Variants in GPHN observed in about 807,000 individuals in gnomAD.
GPHN encodes the protein gephyrin.
GPHN carries 17 observed loss-of-function variants against 95.5 expected under a neutral mutation model. The ratio of observed to expected loss-of-function variants is 0.18; its 90% CI spans 0.12 to 0.27. The LOEUF is 0.27. Ranked by LOEUF, GPHN falls within the 10% of genes least tolerant of loss-of-function variation. GPHN has a pLI of 1.00. For synonymous variants in GPHN, 320 were observed against 322.5 expected, an observed-to-expected ratio of 0.99 and a Z score of 0.08; for missense variants, 660 against 978.1, an observed-to-expected ratio of 0.67 and a Z score of 4.34.
chr14:67,678,294 T>G, the GPHN span: 7 of 1,410,596 alleles, frequency 5.0e-6, no homozygotes, highest in Non-Finnish European at 7.0e-6. Context: ...GCTGCAGTCT[T>G]CTCTTGGGTC....
At chr14:67,003,840 A>T (rs797012728) in intron 9 of GPHN, among the ~76,000 whole-genome samples, 1 of 151,720 alleles carries the variant, frequency 6.6e-6, no homozygotes, top group Non-Finnish European at 1.5e-5. Context: ...GTTTCTTCAT[A>T]TCTTGTAAAC....
chr14:66,936,532 A>G (rs2067142935), intron 8 of GPHN, among the ~76,000 whole-genome samples: 1 of 152,258 alleles, frequency 6.6e-6, no homozygotes, highest in South Asian at 2.1e-4. Flanking sequence ...GCTTTAAGCT[A>G]TAAACATCTG....
At chr14:66,844,393 C>T (rs1253509433) in intron 4 of GPHN, among the ~76,000 whole-genome samples, 1 of 151,936 alleles carries the variant, frequency 6.6e-6, no homozygotes, top group Non-Finnish European at 1.5e-5. Flanking sequence ...ATACAAGAAC[C>T]AAAGAAGAAT....
chr14:67,377,015 T>C, the GPHN span, among the ~76,000 whole-genome samples: 1 of 152,220 alleles, frequency 6.6e-6, no homozygotes, highest in African/African-American at 2.4e-5. Context: ...ACACTTTCTG[T>C]TCTTTTGCCC....
intron 18 of GPHN, among the ~76,000 whole-genome samples, chr14:67,155,014 G>A (rs1299108448): frequency 6.6e-6 from 1 of 152,074 alleles, no homozygotes; most frequent in Non-Finnish European, 1.5e-5. Context: ...CAGGAGTGAG[G>A]TGGGGTGAGA....
chr14:67,559,736 G>A, the GPHN span: 6 of 1,335,368 alleles, frequency 4.5e-6, no homozygotes, highest in African/African-American at 5.8e-5. Context: ...GGCATGGCTG[G>A]GCCTGCCCTG....
In GPHN at chr14:67,106,188, A is replaced by T. The variant is rs537845959; in HGVS notation, c.1294-3952A>T. ...CTGCATATAGTATTCATAGTTAGAA[A>T]TTTTTTTATTTCAGCACTTTGAAGA... On this transcript the variant is annotated intron_variant, in intron 13 of 22. Coordinates refer to ENST00000478722, the MANE Select transcript of GPHN (RefSeq NM_020806.5). Among the ~76,000 whole-genome samples the T allele has an allele frequency of 6.0e-4, 91 of 152,146 alleles. 3 individuals are homozygous for T. Among genetic ancestry groups the T allele is most frequent in the African/African-American group, 2.1e-3 (87 of 41,544 alleles).
the GPHN span, among the ~76,000 whole-genome samples, chr14:67,256,666 G>C: frequency 6.6e-6 from 1 of 151,994 alleles, no homozygotes; most frequent in Non-Finnish European, 1.5e-5. Context: ...TCGTGCCTCA[G>C]CCTCCCAAGT....
At position 66,916,027 on chromosome 14, in the gene GPHN, A is replaced by G. The variant is rs928850984; in HGVS notation, c.414A>G (p.Lys138=). 2 of 1,603,766 alleles carry G rather than the reference A, an allele frequency of 1.2e-6. No homozygotes were observed. The highest frequency in any genetic ancestry group is 1.7e-5 in the Admixed American group (1 of 59,960). The stretch of plus-strand genomic sequence containing the variant: ...GGCCTGTATGTGGAATCAGAGGGAA[A>G]ACGCTCATAATTAACCTGCCAGGTA... ...LSRPVCGIRG[K]TLIINLPGSK... The change falls in exon 6 of 23, where the codon AAA becomes AAG. Residue 138 remains lysine, a synonymous_variant. Coordinates refer to ENST00000478722, the MANE Select transcript of GPHN (RefSeq NM_020806.5).
At chr14:67,516,522 C>A in the GPHN span, among the ~76,000 whole-genome samples, 1 of 152,184 alleles carries the variant, frequency 6.6e-6, no homozygotes, top group Non-Finnish European at 1.5e-5. Flanking sequence ...AGAAAAGGAA[C>A]CTATGGTTCA....
chr14:66,607,149 G>A (rs915448801), intron 1 of GPHN, among the ~76,000 whole-genome samples: 6 of 151,830 alleles, frequency 4.0e-5, no homozygotes, highest in Admixed American at 6.6e-5. Context: ...ATGTTCCTTC[G>A]AAGCCTTGTT....
chr14:67,101,830 A>G (rs1016427087), intron 13 of GPHN, among the ~76,000 whole-genome samples: 2 of 150,266 alleles, frequency 1.3e-5, no homozygotes, highest in African/African-American at 4.9e-5. Flanking sequence ...AAAAAATAAC[A>G]TATATCATTG....
intron 2 of GPHN, among the ~76,000 whole-genome samples, chr14:66,735,923 T>C (rs1436447202): frequency 2.0e-5 from 3 of 152,192 alleles, no homozygotes; most frequent in African/African-American, 7.2e-5. Context: ...TCTTAAGATA[T>C]ATAATGATGA....
chr14:67,406,791 A>G, the GPHN span, among the ~76,000 whole-genome samples: 2 of 152,194 alleles, frequency 1.3e-5, no homozygotes, highest in Admixed American at 1.3e-4. Flanking sequence ...CACACCATGC[A>G]CAGAGGGCAT....
Position 66,623,337 on chromosome 14 carries a change from A to G in GPHN, c.65-57770A>G, listed in dbSNP as rs118019236. ...ACATGTGGGAATTGTAGGAGTTACA[A>G]TTGAGGATGAGATTTGGGTGGGGAC... On this transcript the variant is annotated intron_variant, in intron 1 of 22. Coordinates refer to ENST00000478722, the MANE Select transcript of GPHN (RefSeq NM_020806.5). Among the ~76,000 whole-genome samples the G allele has an allele frequency of 7.2e-5, 11 of 152,220 alleles. No homozygotes were observed. The East Asian group carries it at 9.7e-4, about 13-fold the overall frequency.
At chr14:67,547,707 G>A in the GPHN span, among the ~76,000 whole-genome samples, 2 of 152,174 alleles carry the variant, frequency 1.3e-5, no homozygotes, top group African/African-American at 4.8e-5. Flanking sequence ...ACCTGCCTGT[G>A]GGCTGCGGAG....
chr14:67,334,199 T>C, the GPHN span: 1 of 152,664 alleles, frequency 6.6e-6, no homozygotes, highest in Admixed American at 6.5e-5. Context: ...AAGGTCTGCC[T>C]CTTATGACGA....
intron 1 of GPHN, among the ~76,000 whole-genome samples, chr14:66,517,126 CAAAAAAA>C (rs1171024713): frequency 1.1e-3 from 33 of 31,014 alleles, no homozygotes; most frequent in South Asian, 4.9e-3. Context: ...GACTCCATCT[CAAAAAAA>C]AAAAAAAAAA....
At chr14:66,581,408 C>T (rs2061165095) in intron 1 of GPHN, among the ~76,000 whole-genome samples, 1 of 151,736 alleles carries the variant, frequency 6.6e-6, no homozygotes, top group African/African-American at 2.4e-5. Flanking sequence ...GCTAGATACA[C>T]TTAAGATAAA....
Sources: allele counts gnomAD v4.1 joint callset (sites outside exome capture counted in the v4.1 genomes callset), GRCh38; gene constraint gnomAD v4.1.1; transcripts MANE v1.5; gene names NCBI Gene and HGNC (gene_info 2026-07-23, HGNC 2026-07-21).